Variants in STXBP5 observed in about 807,000 individuals in gnomAD.
STXBP5 encodes syntaxin binding protein 5.
In STXBP5, 50 loss-of-function variants were observed where a neutral mutation model predicts 152.4. That is an observed-to-expected ratio of 0.33 (90% CI 0.26 to 0.42). The LOEUF is 0.42. Ranked by LOEUF, STXBP5 falls within the 10% of genes least tolerant of loss-of-function variation. The pLI is 1.00. For missense variants in STXBP5, 1,167 were observed against 1,388.6 expected, an observed-to-expected ratio of 0.84 and a Z score of 2.54; for synonymous variants, 492 against 494.7, an observed-to-expected ratio of 0.99 and a Z score of 0.07.
At position 147,315,687 on chromosome 6, in the gene STXBP5, C is replaced by T. The variant is rs550200980; in HGVS notation, c.1575C>T (p.Val525=). The T allele has an allele frequency of 7.4e-6, 12 of 1,613,750 alleles. No homozygotes were observed. In the East Asian group the frequency reaches 2.0e-4, roughly 27 times the overall value. The part of the protein sequence containing the change: ...MLCIAGVSAH[V]IIYRFSKQEV... Reference sequence around the variant, plus strand: ...GCATCGCTGGAGTTTCAGCTCATGTCATTATTTATAGATTCAGCAAGCAGG... The same window carrying T: ...GCATCGCTGGAGTTTCAGCTCATGTTATTATTTATAGATTCAGCAAGCAGG... Residue 525 remains valine, a synonymous_variant, in exon 15 of 28, where the codon GTC becomes GTT. Coordinates refer to ENST00000321680, the MANE Select transcript of STXBP5 (RefSeq NM_001127715.4).
intron 26 of STXBP5, among the ~76,000 whole-genome samples, chr6:147,377,272 G>C (rs1041231597): frequency 3.9e-5 from 6 of 152,058 alleles, no homozygotes; most frequent in Admixed American, 3.9e-4. Flanking sequence ...TATGACCATT[G>C]GTATGCAACT....
At chr6:147,299,770 C>T (rs1781712145) in intron 9 of STXBP5, among the ~76,000 whole-genome samples, 1 of 151,948 alleles carries the variant, frequency 6.6e-6, no homozygotes, top group South Asian at 2.1e-4. Flanking sequence ...TAGGGAATTT[C>T]TTGTGCACTT....
intron 2 of STXBP5, among the ~76,000 whole-genome samples, chr6:147,209,866 T>C (rs747882121): frequency 6.6e-6 from 1 of 152,196 alleles, no homozygotes; most frequent in African/African-American, 2.4e-5. Flanking sequence ...AAGGGAATTA[T>C]GCGAGTTTGG....
chr6:147,283,985 T>A (rs1780829449), intron 8 of STXBP5, among the ~76,000 whole-genome samples: 1 of 152,224 alleles, frequency 6.6e-6, no homozygotes, highest in Admixed American at 6.5e-5. Flanking sequence ...AATTTGCTAG[T>A]AACCATGTTA....
intron 15 of STXBP5, 128 bp from the exon 16 acceptor site, chr6:147,316,101 A>G: frequency 5.2e-6 from 5 of 961,374 alleles, no homozygotes; most frequent in Non-Finnish European, 7.5e-6. Context: ...AAATCTTGCT[A>G]AATTTTTACC....
At chr6:147,224,801 G>T (rs1189560199) in intron 2 of STXBP5, among the ~76,000 whole-genome samples, 1 of 152,136 alleles carries the variant, frequency 6.6e-6, no homozygotes, top group Admixed American at 6.5e-5. Context: ...ATAAAGGACA[G>T]TATTGGTCCT....
intron 8 of STXBP5, among the ~76,000 whole-genome samples, chr6:147,287,728 G>A (rs945365931): frequency 6.6e-6 from 1 of 152,108 alleles, no homozygotes; most frequent in Non-Finnish European, 1.5e-5. Context: ...TTATGCTGCA[G>A]CTACCATCTT....
Position 147,227,727 on chromosome 6 carries a change from T to C in STXBP5, c.249-7523T>C, listed in dbSNP as rs140754674. Among the ~76,000 whole-genome samples, 718 of 152,320 alleles carry C rather than the reference T, an allele frequency of 4.7e-3. 6 individuals carry two copies. Among genetic ancestry groups the C allele is most frequent in the Non-Finnish European group, 7.3e-3 (499 of 68,026 alleles). On this transcript the variant is annotated intron_variant, in intron 2 of 27. Coordinates refer to ENST00000321680, the MANE Select transcript of STXBP5 (RefSeq NM_001127715.4). The stretch of plus-strand genomic sequence containing the variant: ...TTTCTTCCTCCTTTCCTTTGCGAAC[T>C]GTAGTCACGTGTAATTAATATAAAC...
At position 147,363,586 on chromosome 6, in the gene STXBP5, T is replaced by A; in HGVS notation, c.2797T>A (p.Cys933Ser). The stretch of plus-strand genomic sequence containing the variant: ...AGTAATCTCACTGCCAACCCAGAAC[T>A]GTGCTTATAAGCAAAATATTACAGA... ...AKVISLPTQN[C>S]AYKQNITETS... Residue 933 changes from cysteine to serine, a missense_variant, in exon 24 of 28, where the codon TGT (cysteine) becomes AGT (serine). Cys to Ser is a moderately radical substitution (Grantham distance 112). Around this residue, in one of 3 missense-constraint regions of STXBP5, gnomAD observed 833 missense variants for 986.3 expected, o/e 0.84. Transcript: ENST00000321680. 1.2e-6 allele frequency: 2 copies of A among 1,614,216 alleles called. No individual in the cohort carries two copies. The highest frequency in any genetic ancestry group is 2.7e-5 in the African/African-American group (2 of 75,048).
At chr6:147,220,526 G>A (rs190457804) in intron 2 of STXBP5, among the ~76,000 whole-genome samples, 1 of 152,150 alleles carries the variant, frequency 6.6e-6, no homozygotes, top group East Asian at 1.9e-4. Flanking sequence ...GCAGTTTTAT[G>A]AGTTTTTGTC....
intron 21 of STXBP5, among the ~76,000 whole-genome samples, chr6:147,345,626 A>G (rs1380573723): frequency 6.6e-6 from 1 of 152,214 alleles, no homozygotes; most frequent in East Asian, 1.9e-4. Flanking sequence ...TTCATCAGTC[A>G]TAGTTCTTTT....
chr6:147,310,436 G>A lies in STXBP5; in HGVS notation c.1072+198G>A, dbSNP rs558758295. The stretch of plus-strand genomic sequence containing the variant: ...AATCTGTTTTGAAGAATAAAAAAAC[G>A]CTATTCATATTAAGAAACATTTTAA... On this transcript the variant is annotated intron_variant, in intron 10 of 27. Coordinates refer to ENST00000321680, the MANE Select transcript of STXBP5 (RefSeq NM_001127715.4). Among the ~76,000 whole-genome samples, 12 of 152,156 alleles carry A rather than the reference G, an allele frequency of 7.9e-5. No homozygotes were observed. In the East Asian group the frequency reaches 2.1e-3, roughly 27 times the overall value.
intron 26 of STXBP5, among the ~76,000 whole-genome samples, chr6:147,375,031 T>C (rs1291285620): frequency 6.6e-6 from 1 of 151,962 alleles, no homozygotes; most frequent in Non-Finnish European, 1.5e-5. Flanking sequence ...CAGAAGCAAA[T>C]GAAAAAATGA....
chr6:147,310,743 C>T (rs567664932), intron 10 of STXBP5, among the ~76,000 whole-genome samples: 1 of 152,192 alleles, frequency 6.6e-6, no homozygotes, highest in East Asian at 1.9e-4. Context: ...GCGTTTTTTT[C>T]AGGAAACCTC....
rs1786402754 is a variant in STXBP5 at position 147,387,621 on chromosome 6, A to G, written c.*2866A>G. ...TCTTAACACTTTTGCTTTGCATTTC[A>G]ATTGTACAAAGTGTTTCCAAAAAAA... On this transcript the variant is annotated 3_prime_UTR_variant, in exon 28 of 28. Coordinates refer to ENST00000321680, the MANE Select transcript of STXBP5 (RefSeq NM_001127715.4). 1 of 151,762 alleles carries G rather than the reference A, an allele frequency of 6.6e-6. No individual in the cohort carries two copies. The highest frequency in any genetic ancestry group is 2.4e-5 in the African/African-American group (1 of 41,382). 9.4% of individuals were successfully genotyped at this position (151,762 alleles called of 1,614,324 possible).
At chr6:147,240,246 T>C (rs1160318631) in intron 4 of STXBP5, among the ~76,000 whole-genome samples, 1 of 152,122 alleles carries the variant, frequency 6.6e-6, no homozygotes, top group Non-Finnish European at 1.5e-5. Context: ...CTGGCCTTTG[T>C]AGTACTCTTA....
At chr6:147,331,821 A>AC (rs1258834329) in intron 18 of STXBP5, among the ~76,000 whole-genome samples, 2 of 151,568 alleles carry the variant, frequency 1.3e-5, no homozygotes, top group Non-Finnish European at 2.9e-5. Flanking sequence ...AAAAAAAAAA[A>AC]AAAAAACACA....
At position 147,316,372 on chromosome 6, in the gene STXBP5, A is replaced by T. The variant is rs1782646869; in HGVS notation, c.1767A>T (p.Ser589=). Residue 589 remains serine, a synonymous_variant, in exon 16 of 28, where the codon TCA becomes TCT. Transcript: ENST00000321680. ...CTCATCCATCTACCAGTAGCAGTTC[A>T]TCTGATGGGCTTCGTGATAATGTAC... ...PQSHPSTSSS[S]SDGLRDNVPC... 1.3e-6 allele frequency: 2 copies of T among 1,583,448 alleles called. No individual in the cohort carries two copies. The highest frequency in any genetic ancestry group is 1.7e-6 in the Non-Finnish European group (2 of 1,168,554).
At chr6:147,218,138 C>T (rs1777268814) in intron 2 of STXBP5, among the ~76,000 whole-genome samples, 1 of 152,300 alleles carries the variant, frequency 6.6e-6, no homozygotes, top group Non-Finnish European at 1.5e-5. Context: ...CCAAAACATT[C>T]GTAGCCTCCT....
Sources: allele counts gnomAD v4.1 joint callset (sites outside exome capture counted in the v4.1 genomes callset), GRCh38; gene constraint gnomAD v4.1.1; regional missense constraint gnomAD v4.1.1; transcripts MANE v1.5; gene names NCBI Gene and HGNC (gene_info 2026-07-23, HGNC 2026-07-21).